The following ELP5 variants were observed in gnomAD, a reference collection of about 807,000 sequenced individuals.
The protein encoded by ELP5 is elongator complex protein 5.
A neutral mutation model predicts 33.4 loss-of-function variants in ELP5; 34 were observed. The observed-to-expected ratio is 1.02, with a 90% CI of 0.78 to 1.36. ELP5 has a LOEUF of 1.36. Among genes scored for constraint, ELP5 ranks in the 40% most tolerant of loss-of-function variants. The pLI is 0.00. For synonymous variants in ELP5, 161 were observed against 146.4 expected, an observed-to-expected ratio of 1.10 and a Z score of -0.72; for missense variants, 373 against 371.7, an observed-to-expected ratio of 1.00 and a Z score of -0.03.
intron 4 of ELP5, among the ~76,000 whole-genome samples, chr17:7,256,194 C>A (rs1280313199): frequency 6.6e-6 from 1 of 151,842 alleles, no homozygotes; most frequent in Non-Finnish European, 1.5e-5. Context: ...CTACCAAATA[C>A]AAAAATTAGC....
intron 2 of ELP5, 21 bp from the exon 3 acceptor site, chr17:7,252,897 C>T (rs1462589305): frequency 6.2e-7 from 1 of 1,614,052 alleles, no homozygotes; most frequent in African/African-American, 1.3e-5. Flanking sequence ...CTTTGACAAT[C>T]CCTTCTCATC....
intron 7 of ELP5, 139 bp from the exon 8 acceptor site, chr17:7,259,432 T>C (rs1183929065): frequency 8.8e-6 from 13 of 1,471,732 alleles, no homozygotes; most frequent in Non-Finnish European, 1.2e-5. Flanking sequence ...AACATGGAGG[T>C]CAGAGAAAGG....
At chr17:7,252,692 G>C in intron 1 of ELP5, 78 bp from the exon 2 acceptor site, 1 of 1,609,746 alleles carries the variant, frequency 6.2e-7, no homozygotes, top group South Asian at 1.1e-5. Context: ...TCACAGGCTA[G>C]GTGTGGAAAT....
chr17:7,255,518 C>G (rs2072056885), intron 4 of ELP5, among the ~76,000 whole-genome samples: 1 of 149,852 alleles, frequency 6.7e-6, no homozygotes, highest in Admixed American at 6.6e-5. Context: ...CAGAGCAAGA[C>G]TCCATCTCAA....
rs898290520 is a variant in ELP5 at position 7,254,634 on chromosome 17, G to A, written c.240G>A (p.Glu80=). Residue 80 remains glutamate, a synonymous_variant, in exon 4 of 8, where the codon GAG becomes GAA. Transcript: ENST00000396628. ...FRDPLNWSKT[E]EAFPGGPLGA... The stretch of plus-strand genomic sequence containing the variant: ...ACCCTCTCAACTGGTCAAAAACTGA[G>A]GAGGCCTTTCCTGGGGGGCCGCTGG... 1.2e-6 allele frequency: 2 copies of A among 1,613,980 alleles called. No homozygotes were observed. Among genetic ancestry groups the A allele is most frequent in the African/African-American group, 1.3e-5 (1 of 74,926 alleles).
intron 5 of ELP5, 31 bp from the exon 6 acceptor site, chr17:7,258,557 T>A: frequency 3.7e-6 from 6 of 1,605,876 alleles, no homozygotes; most frequent in Non-Finnish European, 4.3e-6. Flanking sequence ...TTCAGTAAGA[T>A]GAAAAAAACT....
chr17:7,255,093 A>T (rs898236479), intron 4 of ELP5, among the ~76,000 whole-genome samples: 1 of 152,088 alleles, frequency 6.6e-6, no homozygotes, highest in Non-Finnish European at 1.5e-5. Context: ...GATAATGGCA[A>T]AATACAGACT....
chr17:7,259,283 C>T (rs2072156269), intron 7 of ELP5: 2 of 1,377,748 alleles, frequency 1.5e-6, no homozygotes, highest in Admixed American at 6.1e-5. Flanking sequence ...TTAGTACACG[C>T]TTGCTGTTCT....
chr17:7,254,649 G>T lies in ELP5; in HGVS notation c.255G>T (p.Gly85=). ...CAAAAACTGAGGAGGCCTTTCCTGG[G>T]GGGCCGCTGGGAGCCTTGAGAGCCA... ...NWSKTEEAFP[G]GPLGALRAMC... is the part of the protein sequence containing the mutation. The change falls in exon 4 of 8, where the codon GGG becomes GGT. Residue 85 remains glycine, a synonymous_variant. Transcript: ENST00000396628. 8.7e-6 allele frequency: 14 copies of T among 1,614,070 alleles called. No homozygotes were observed. Among genetic ancestry groups the T allele is most frequent in the Non-Finnish European group, 1.2e-5 (14 of 1,180,016 alleles).
rs369743432 is a variant in ELP5, at chr17:7,252,899, C to T, written c.108-19C>T. ...ACCTGTGCCCACTCTTTGACAATCC[C>T]TTCTCATCTCTGCCTTAGTGGGGAG... On this transcript the variant is annotated intron_variant, in intron 2 of 7. Coordinates refer to ENST00000396628, the MANE Select transcript of ELP5 (RefSeq NM_203414.3). 1.2e-6 allele frequency: 2 copies of T among 1,614,080 alleles called. No individual in the cohort carries two copies. The highest frequency in any genetic ancestry group is 1.1e-5 in the South Asian group (1 of 91,090).
Position 7,256,884 on chromosome 17 carries a change from G to A in ELP5, c.437G>A (p.Ser146Asn), listed in dbSNP as rs768427922. ...GACAGCTCCTCAGTGGGGAAAGTGA[G>A]TGTGCTGGGCTTGCTACATGAAGAG... ...PGDSSSVGKVSVLGLLHEELH... is the reference protein window; with the variant it reads ...PGDSSSVGKVNVLGLLHEELH... Residue 146 changes from serine to asparagine, a missense_variant, in exon 5 of 8, where the codon AGT (serine) becomes AAT (asparagine). Transcript: ENST00000396628. 9 of 1,614,200 alleles carry A rather than the reference G, an allele frequency of 5.6e-6. No individual in the cohort carries two copies. The highest frequency in any genetic ancestry group is 7.6e-6 in the Non-Finnish European group (9 of 1,180,046).
intron 3 of ELP5, among the ~76,000 whole-genome samples, chr17:7,253,457 G>A (rs1270019359): frequency 1.3e-5 from 2 of 152,176 alleles, no homozygotes; most frequent in Non-Finnish European, 2.9e-5. Context: ...ACATGTAAAG[G>A]ACTTTAGTGG....
intron 3 of ELP5, among the ~76,000 whole-genome samples, chr17:7,253,267 G>A (rs1347046373): frequency 3.9e-5 from 6 of 152,122 alleles, no homozygotes; most frequent in Non-Finnish European, 1.5e-5. Context: ...CCGTTAATCC[G>A]GCTTCACTCT....
Position 7,259,693 on chromosome 17 carries a change from G to C in ELP5, c.*8G>C. On this transcript the variant is annotated 3_prime_UTR_variant, in exon 8 of 8. Transcript: ENST00000396628. ...GACGACCTGGATATTTGACTGGCCAGATTTGATTAGATTGTAATTGGAGGG... is the reference window on the plus strand; with the variant it reads ...GACGACCTGGATATTTGACTGGCCACATTTGATTAGATTGTAATTGGAGGG... 6.2e-7 allele frequency: 1 copy of C among 1,614,192 alleles called. No individual in the cohort carries two copies. The highest frequency in any genetic ancestry group is 8.5e-7 in the Non-Finnish European group (1 of 1,180,026).
chr17:7,254,457 A>G, intron 3 of ELP5, 126 bp from the exon 4 acceptor site: 1 of 692,740 alleles, frequency 1.4e-6, no homozygotes, highest in Non-Finnish European at 2.4e-6. Flanking sequence ...CTCAGTAATT[A>G]TCTTTCACTA....
At chr17:7,257,473 C>A (rs2072104121) in intron 5 of ELP5, among the ~76,000 whole-genome samples, 1 of 150,714 alleles carries the variant, frequency 6.6e-6, no homozygotes. Context: ...CACTGTTGCC[C>A]AGGCTGGAGT....
At chr17:7,255,767 G>A (rs555377985) in intron 4 of ELP5, among the ~76,000 whole-genome samples, 1 of 152,302 alleles carries the variant, frequency 6.6e-6, no homozygotes, top group South Asian at 2.1e-4. Flanking sequence ...TAGGTTAAAA[G>A]TTGTTAAATA....
chr17:7,258,682 C>T lies in ELP5; in HGVS notation c.686C>T (p.Pro229Leu), dbSNP rs199736185. ...SQPYSDPHIPPVDPTTHLTFN... is the reference protein window; with the variant it reads ...SQPYSDPHIPLVDPTTHLTFN... ...CCCTACTCCGATCCTCATATACCCC[C>T]GGTATCTAAGAATGCCAAGGCCAGA... is the stretch of plus-strand genomic sequence containing the variant. Residue 229 changes from proline to leucine, a missense_variant and splice_region_variant, in exon 6 of 8, where the codon CCG (proline) becomes CTG (leucine). Physicochemically the swap from Pro to Leu is moderately conservative, Grantham distance 98. Coordinates refer to ENST00000396628, the MANE Select transcript of ELP5 (RefSeq NM_203414.3). 31 of 1,614,074 alleles carry T rather than the reference C, an allele frequency of 1.9e-5. No individual in the cohort carries two copies. The highest frequency in any genetic ancestry group is 1.3e-4 in the East Asian group (6 of 44,886).
rs1430751493 is a variant in ELP5, at chr17:7,252,470, C to G, written c.-81C>G. On this transcript the variant is annotated 5_prime_UTR_variant, in exon 1 of 8. Coordinates refer to ENST00000396628, the MANE Select transcript of ELP5 (RefSeq NM_203414.3). ...GTGGGAGGACGCCCGAGTGCTCGGC[C>G]CGTTTCACCCCGAGGAGGAAGGACA... 6.2e-7 allele frequency: 1 copy of G among 1,605,996 alleles called. No individual in the cohort carries two copies. Among genetic ancestry groups the G allele is most frequent in the Non-Finnish European group, 8.5e-7 (1 of 1,175,034 alleles).
Sources: allele counts gnomAD v4.1 joint callset (sites outside exome capture counted in the v4.1 genomes callset), GRCh38; gene constraint gnomAD v4.1.1; transcripts MANE v1.5; gene names NCBI Gene and HGNC (gene_info 2026-07-23, HGNC 2026-07-21).